Variants in SLC22A15 observed in about 807,000 individuals in gnomAD.
The protein encoded by SLC22A15 is solute carrier family 22 member 15.
A neutral mutation model predicts 62.7 loss-of-function variants in SLC22A15; 45 were observed. The ratio of observed to expected loss-of-function variants is 0.72; its 90% CI spans 0.56 to 0.92. The LOEUF (loss-of-function observed/expected upper bound fraction) is 0.92, where lower values mean the gene tolerates loss of function less well. SLC22A15 is among the 40% of genes least tolerant of loss of function. SLC22A15 has a pLI of 0.00. For missense variants in SLC22A15, 622 were observed against 665.6 expected, an observed-to-expected ratio of 0.93 and a Z score of 0.72; for synonymous variants, 264 against 267.0, an observed-to-expected ratio of 0.99 and a Z score of 0.11.
intron 1 of SLC22A15, among the ~76,000 whole-genome samples, chr1:115,979,960 C>G (rs1281692): frequency 0.077 from 11,594 of 150,896 alleles, 554 homozygotes; most frequent in Admixed American, 0.12. Flanking sequence ...TTCTGGTGTT[C>G]AGGAATGCAT....
chr1:115,987,297 C>T (rs183155326), intron 1 of SLC22A15, among the ~76,000 whole-genome samples: 8 of 152,000 alleles, frequency 5.3e-5, no homozygotes, highest in Non-Finnish European at 1.2e-4. Flanking sequence ...TCCCCAGCAG[C>T]TGGGACTACA....
intron 8 of SLC22A15, among the ~76,000 whole-genome samples, chr1:116,057,120 A>G (rs566401753): frequency 1.9e-3 from 287 of 152,216 alleles, no homozygotes; most frequent in African/African-American, 6.5e-3. Flanking sequence ...TGAAGAGGCA[A>G]CCTACAAAAT....
intron 8 of SLC22A15, among the ~76,000 whole-genome samples, chr1:116,053,091 C>T (rs1258316907): frequency 3.9e-5 from 6 of 152,030 alleles, no homozygotes; most frequent in East Asian, 1.9e-4. Context: ...AGGCTTTAGA[C>T]GATCAAACTA....
At chr1:116,032,251 A>T in intron 6 of SLC22A15, 2 of 985,462 alleles carry the variant, frequency 2.0e-6, no homozygotes, top group Non-Finnish European at 2.4e-6. Flanking sequence ...GCGGTTCAAG[A>T]TGGTTTCATT....
chr1:116,020,630 C>A, intron 3 of SLC22A15, 91 bp from the exon 4 acceptor site: 4 of 1,046,448 alleles, frequency 3.8e-6, no homozygotes, highest in East Asian at 3.1e-5. Flanking sequence ...AGTTTACAAA[C>A]ATTTATTTTA....
intron 1 of SLC22A15, among the ~76,000 whole-genome samples, chr1:115,978,866 A>G (rs1161582506): frequency 6.6e-6 from 1 of 152,208 alleles, no homozygotes; most frequent in Non-Finnish European, 1.5e-5. Flanking sequence ...CTTTTTACAC[A>G]GTTGCCTTAA....
chr1:115,994,162 A>G (rs937298833), intron 2 of SLC22A15, among the ~76,000 whole-genome samples: 5 of 152,118 alleles, frequency 3.3e-5, no homozygotes, highest in Non-Finnish European at 5.9e-5. Context: ...TCCGTGGCCT[A>G]TAGCAACCAC....
At position 116,067,038 on chromosome 1, in the gene SLC22A15, C is replaced by G; in HGVS notation, c.1574C>G (p.Ser525Cys). The G allele has an allele frequency of 1.2e-6, 2 of 1,612,434 alleles. No homozygotes were observed. The highest frequency in any genetic ancestry group is 1.3e-5 in the African/African-American group (1 of 75,014). Reference sequence around the variant, plus strand: ...TTTCAGTGTGTGGACAAGGAGAGCTCTTTAGGGAGTGAGAGTGAGGAAGAG... The same window carrying G: ...TTTCAGTGTGTGGACAAGGAGAGCTGTTTAGGGAGTGAGAGTGAGGAAGAG... ...DPQQCVDKES[S>C]LGSESEEEEE... The change falls in exon 12 of 12, where the codon TCT becomes TGT. Residue 525 changes from serine to cysteine, a missense_variant. By Grantham distance (112) the Ser-to-Cys change is moderately radical (BLOSUM62 -1). Transcript: ENST00000369503.
chr1:115,992,288 T>C (rs762651836), intron 2 of SLC22A15, 45 bp downstream of exon 2: 1 of 1,444,918 alleles, frequency 6.9e-7, no homozygotes, highest in South Asian at 1.2e-5. Flanking sequence ...TCTCTCTTTG[T>C]CCACATAGAG....
intron 1 of SLC22A15, among the ~76,000 whole-genome samples, chr1:115,990,917 C>A (rs571037633): frequency 4.3e-4 from 65 of 152,200 alleles, no homozygotes; most frequent in African/African-American, 8.2e-4. Context: ...ACCACCACAC[C>A]CGGAAAATTT....
At chr1:116,022,778 A>G (rs1425749960) in intron 4 of SLC22A15, among the ~76,000 whole-genome samples, 2 of 152,196 alleles carry the variant, frequency 1.3e-5, no homozygotes, top group African/African-American at 2.4e-5. Context: ...AGAGGAAGAA[A>G]AACTGTAACA....
intron 8 of SLC22A15, among the ~76,000 whole-genome samples, chr1:116,039,180 G>A (rs139493760): frequency 2.0e-4 from 30 of 152,282 alleles, no homozygotes; most frequent in African/African-American, 7.0e-4. Flanking sequence ...CTCCACAAAT[G>A]TGCCTCAGGA....
intron 5 of SLC22A15, 144 bp from the exon 6 acceptor site, chr1:116,031,222 T>G: frequency 1.6e-6 from 1 of 622,858 alleles, no homozygotes; most frequent in Admixed American, 2.9e-5. Flanking sequence ...AGCCCTTTCA[T>G]ATGTTATTGG....
In SLC22A15 at chr1:116,062,859, T is replaced by G. The variant is rs1658415737; in HGVS notation, c.1269T>G (p.Ser423=). The part of the protein sequence containing the change: ...AAFNIVYIYT[S]ELYPTVIRNV... ...TTAACATTGTTTATATCTACACCTC[T>G]GAGCTTTACCCTACAGTCATCAGGT... The change falls in exon 9 of 12, where the codon TCT becomes TCG. Residue 423 remains serine, a synonymous_variant. Coordinates refer to ENST00000369503, the MANE Select transcript of SLC22A15 (RefSeq NM_018420.3). The G allele has an allele frequency of 2.5e-6, 4 of 1,613,600 alleles. No homozygotes were observed. Among genetic ancestry groups the G allele is most frequent in the African/African-American group, 1.3e-5 (1 of 75,050 alleles).
chr1:116,029,263 CTTCAAT>C (rs1022663873), intron 5 of SLC22A15, among the ~76,000 whole-genome samples: 1 of 152,156 alleles, frequency 6.6e-6, no homozygotes, highest in African/African-American at 2.4e-5. Context: ...TTTCACAATA[CTTCAAT>C]TTCAGTAGAT....
intron 1 of SLC22A15, among the ~76,000 whole-genome samples, chr1:115,990,214 A>G (rs189226477): frequency 1.4e-4 from 21 of 152,342 alleles, no homozygotes; most frequent in African/African-American, 4.6e-4. Context: ...AAACATTTGC[A>G]GCAGGAGAAA....
intron 10 of SLC22A15, among the ~76,000 whole-genome samples, chr1:116,064,730 A>G (rs1368898087): frequency 1.3e-5 from 2 of 152,076 alleles, no homozygotes; most frequent in African/African-American, 2.4e-5. Context: ...GATTTGTTGG[A>G]GGGTCTGCTA....
At chr1:116,006,240 A>G (rs1655973199) in intron 2 of SLC22A15, among the ~76,000 whole-genome samples, 1 of 152,196 alleles carries the variant, frequency 6.6e-6, no homozygotes, top group Admixed American at 6.5e-5. Flanking sequence ...GCTTGCTATA[A>G]AGAGAGAGCT....
chr1:116,056,736 C>T (rs938159300), intron 8 of SLC22A15, among the ~76,000 whole-genome samples: 3 of 152,130 alleles, frequency 2.0e-5, no homozygotes, highest in Admixed American at 6.6e-5. Context: ...GAACAAAGCC[C>T]TCAGATGTAA....
Sources: gnomAD v4.1 joint callset for allele counts (sites outside exome capture counted in the v4.1 genomes callset) on GRCh38, gnomAD v4.1.1 for gene constraint, MANE v1.5 for transcripts, NCBI Gene and HGNC (gene_info 2026-07-23, HGNC 2026-07-21) for gene names.